GALNS: variants seen among roughly 807,000 people sequenced by gnomAD.
GALNS encodes the protein galactosamine (N-acetyl)-6-sulfatase.
A neutral mutation model predicts 65.9 loss-of-function variants in GALNS; 65 were observed. The observed-to-expected ratio is 0.99, with a 90% confidence interval of 0.81 to 1.21. The LOEUF is 1.21. GALNS is among the 50% of genes most tolerant of loss of function. The pLI, the probability that GALNS is intolerant of heterozygous loss-of-function variation, is 0.00. For missense variants in GALNS, 776 were observed against 700.7 expected (o/e 1.11, Z -1.21); for synonymous variants, 346 against 288.9 (o/e 1.20, Z -2.00).
chr16:88,855,823 C>T, intron 1 of GALNS: 1 of 508,200 alleles, frequency 2.0e-6, no homozygotes, highest in Non-Finnish European at 3.5e-6. Context: ...TCTGAAGGCA[C>T]CTGTCAGGGT....
At chr16:88,842,277 G>T in intron 2 of GALNS, 1 of 543,924 alleles carries the variant, frequency 1.8e-6, no homozygotes, top group Non-Finnish European at 3.3e-6. Flanking sequence ...CCCCATCCTC[G>T]AGCACCAGCC....
intron 8 of GALNS, among the ~76,000 whole-genome samples, chr16:88,834,286 GC>G (rs531460636): frequency 1.3e-5 from 2 of 151,640 alleles, no homozygotes; most frequent in African/African-American, 4.8e-5. Context: ...GGCTGTAGGC[GC>G]CCCCCGACAT....
chr16:88,851,356 A>C (rs35640737), intron 1 of GALNS, among the ~76,000 whole-genome samples: 2,134 of 152,246 alleles, frequency 0.014, 30 homozygotes, highest in Non-Finnish European at 0.023. Context: ...ACTAAAAAAA[A>C]CTTTTTTTTT....
intron 1 of GALNS, among the ~76,000 whole-genome samples, chr16:88,849,522 G>T (rs1967409258): frequency 6.6e-6 from 1 of 152,096 alleles, no homozygotes; most frequent in African/African-American, 2.4e-5. Context: ...CTGACCTCAG[G>T]TGATCCACCT....
chr16:88,841,189 C>T, intron 3 of GALNS, 95 bp from the exon 4 acceptor site: 2 of 937,726 alleles, frequency 2.1e-6, no homozygotes, highest in South Asian at 1.3e-5. Flanking sequence ...TCCACACATC[C>T]TAACAGGACA....
chr16:88,815,271 G>T (rs780898219), intron 13 of GALNS: 2 of 985,492 alleles, frequency 2.0e-6, no homozygotes, highest in Middle Eastern at 5.2e-4. Flanking sequence ...AAGTGGCTGA[G>T]GGCCTCCGAG....
At chr16:88,852,452 T>C (rs1967547211) in intron 1 of GALNS, among the ~76,000 whole-genome samples, 1 of 151,880 alleles carries the variant, frequency 6.6e-6, no homozygotes, top group South Asian at 2.1e-4. Flanking sequence ...AAGCTGAAAA[T>C]TCTAAAAACC....
chr16:88,813,843 T>G lies in GALNS; in HGVS notation c.*596A>C. 6.3e-6 allele frequency: 1 copy of G among 157,524 alleles called. No individual in the cohort carries two copies. Among genetic ancestry groups the G allele is most frequent in the Non-Finnish European group, 1.4e-5 (1 of 70,856 alleles). The allele number at this position is 157,524 out of a possible 1,614,324, so 9.8% of individuals were successfully genotyped here. ...ATAATTAGCGTCCAGGGAAATTCCT[T>G]GTGGACAAAGGACAGACGGAACTGG... On this transcript the variant is annotated 3_prime_UTR_variant, in exon 14 of 14. Transcript: ENST00000268695.
rs746086649 is a variant in GALNS, at chr16:88,824,866, AG to A, written c.1142del (p.Pro381LeufsTer10). The part of the protein sequence containing the change: ...TLLQGRLMDR[P>X]IFYYRGDTLM... ...GCGTGTCGCCACGGTAATAGAAGAT[AG>A]GCCTGTGGGATGGGAGGGGAGGACC... On this transcript the variant is annotated frameshift_variant and splice_region_variant, in exon 11 of 14. Transcript: ENST00000268695. LOFTEE classifies it high-confidence loss of function. The A allele has an allele frequency of 4.3e-6, 7 of 1,612,896 alleles. No individual in the cohort carries two copies. The Admixed American group carries it at 1.2e-4, about 27-fold the overall frequency.
chr16:88,827,145 T>A, intron 9 of GALNS: 1 of 514,660 alleles, frequency 1.9e-6, no homozygotes, highest in South Asian at 2.1e-5. Context: ...CAGGCCCACC[T>A]GTCCGGAGAG....
intron 1 of GALNS, among the ~76,000 whole-genome samples, chr16:88,850,314 G>A (rs1217773602): frequency 6.6e-6 from 1 of 152,190 alleles, no homozygotes; most frequent in African/African-American, 2.4e-5. Context: ...TGCGTCCTGA[G>A]GCTTCCCGAG....
chr16:88,825,957 C>T (rs1343007256), intron 10 of GALNS, among the ~76,000 whole-genome samples: 5 of 152,268 alleles, frequency 3.3e-5, no homozygotes, highest in East Asian at 3.9e-4. Context: ...ACCCAGGAAA[C>T]GTGGTTTGAG....
chr16:88,830,822 C>T (rs994986076), intron 9 of GALNS, among the ~76,000 whole-genome samples: 13 of 151,394 alleles, frequency 8.6e-5, no homozygotes, highest in African/African-American at 1.9e-4. Flanking sequence ...GGTCTCGTGT[C>T]GGGCTGCTGC....
intron 12 of GALNS, among the ~76,000 whole-genome samples, chr16:88,821,663 C>T (rs539263619): frequency 7.2e-5 from 11 of 152,190 alleles, no homozygotes; most frequent in Non-Finnish European, 1.6e-4. Flanking sequence ...CTCAGGGCAC[C>T]TTGGCGGTGG....
At chr16:88,852,768 G>A (rs1967565508) in intron 1 of GALNS, among the ~76,000 whole-genome samples, 1 of 152,238 alleles carries the variant, frequency 6.6e-6, no homozygotes, top group Admixed American at 6.5e-5. Flanking sequence ...ATTCGATCTA[G>A]TGGAAGAAAG....
intron 1 of GALNS, among the ~76,000 whole-genome samples, chr16:88,846,642 A>G (rs1967260144): frequency 6.6e-6 from 1 of 151,336 alleles, no homozygotes; most frequent in African/African-American, 2.4e-5. Flanking sequence ...CTCGGGTTCA[A>G]GCGATTACTC....
intron 5 of GALNS, among the ~76,000 whole-genome samples, chr16:88,837,411 G>T (rs1217088525): frequency 6.6e-6 from 1 of 152,222 alleles, no homozygotes; most frequent in Admixed American, 6.5e-5. Context: ...CCCTGAAAAG[G>T]TGGGAAACCC....
chr16:88,854,099 A>G (rs1209860546), intron 1 of GALNS, among the ~76,000 whole-genome samples: 2 of 152,232 alleles, frequency 1.3e-5, no homozygotes, highest in Admixed American at 1.3e-4. Flanking sequence ...ACTGGGCTGG[A>G]GGCAGCCGGT....
chr16:88,854,743 G>C (rs1426869472), intron 1 of GALNS, among the ~76,000 whole-genome samples: 2 of 152,242 alleles, frequency 1.3e-5, no homozygotes, highest in Non-Finnish European at 2.9e-5. Flanking sequence ...AGCCACGAAA[G>C]GGGAAACTCG....
Sources: allele counts gnomAD v4.1 joint callset (sites outside exome capture counted in the v4.1 genomes callset), GRCh38; gene constraint gnomAD v4.1.1; transcripts MANE v1.5; gene names NCBI Gene and HGNC (gene_info 2026-07-23, HGNC 2026-07-21).